The following TMEM120B variants were observed in gnomAD, a reference collection of about 807,000 sequenced individuals.
TMEM120B encodes the protein transmembrane protein 120B.
In TMEM120B, 31 loss-of-function variants were observed where a neutral mutation model predicts 55.5. The ratio of observed to expected loss-of-function variants is 0.56; its 90% CI spans 0.42 to 0.75. The LOEUF (loss-of-function observed/expected upper bound fraction) is 0.75, where lower values mean the gene tolerates loss of function less well. TMEM120B is among the 30% of genes least tolerant of loss of function. The pLI, the probability that TMEM120B is intolerant of heterozygous loss-of-function variation, is 0.00. For missense variants in TMEM120B, 399 were observed against 425.5 expected, an observed-to-expected ratio of 0.94 and a Z score of 0.55; for synonymous variants, 203 against 176.3, an observed-to-expected ratio of 1.15 and a Z score of -1.20.
chr12:121,740,462 G>A lies in TMEM120B; in HGVS notation c.70-3167G>A, dbSNP rs139708699. 1.3e-3 allele frequency among the ~76,000 whole-genome samples: 196 copies of A among 151,980 alleles called. 1 individual carries two copies. The highest frequency in any genetic ancestry group is 4.5e-3 in the African/African-American group (186 of 41,482). ...ATCATGCCACTGCACTCCAGCCTGGGCAACAAGAGTGAGACTCTGTCTTAA... is the reference window on the plus strand; with the variant it reads ...ATCATGCCACTGCACTCCAGCCTGGACAACAAGAGTGAGACTCTGTCTTAA... On this transcript the variant is annotated intron_variant, in intron 1 of 11. Coordinates refer to ENST00000449592, the MANE Select transcript of TMEM120B (RefSeq NM_001080825.2).
intron 8 of TMEM120B, among the ~76,000 whole-genome samples, chr12:121,772,324 T>G (rs182209440): frequency 6.6e-6 from 1 of 152,150 alleles, no homozygotes; most frequent in Admixed American, 6.6e-5. Context: ...AAGATGAGAT[T>G]TCACCATGTT....
rs1233602042 is a variant in TMEM120B, at chr12:121,712,780, G to C, written c.-116G>C. ...TGCGCGCGTGGCTCTGGCTGCGCAG[G>C]AACAGCTGGTGCCTCCGAGGGCGGT... On this transcript the variant is annotated 5_prime_UTR_variant, in exon 1 of 12. Transcript: ENST00000449592. 2.6e-5 allele frequency: 17 copies of C among 655,940 alleles called. No homozygotes were observed. Among genetic ancestry groups the C allele is most frequent in the Non-Finnish European group, 3.7e-5 (17 of 464,192 alleles). 40.6% of individuals were successfully genotyped at this position (655,940 alleles called of 1,614,324 possible).
intron 1 of TMEM120B, among the ~76,000 whole-genome samples, chr12:121,716,306 T>C (rs1038057430): frequency 7.3e-6 from 1 of 136,944 alleles, no homozygotes; most frequent in Admixed American, 7.2e-5. Context: ...AGACCCTCTC[T>C]CTCAAAAAAA....
At chr12:121,714,624 C>T (rs1397167693) in intron 1 of TMEM120B, among the ~76,000 whole-genome samples, 1 of 137,352 alleles carries the variant, frequency 7.3e-6, no homozygotes, top group Non-Finnish European at 1.5e-5. Flanking sequence ...TGCAGTGGCA[C>T]GATCGTGGCT....
chr12:121,748,867 CG>C (rs1415938091), intron 3 of TMEM120B, among the ~76,000 whole-genome samples: 12 of 152,272 alleles, frequency 7.9e-5, no homozygotes, highest in Admixed American at 7.8e-4. Context: ...GAGACATCAG[CG>C]AATGTTTGGC....
intron 1 of TMEM120B, among the ~76,000 whole-genome samples, chr12:121,722,958 C>T (rs995857007): frequency 4.6e-5 from 7 of 150,676 alleles, no homozygotes; most frequent in Admixed American, 6.7e-5. Flanking sequence ...AAGCAATTCT[C>T]TTGCCTCAGC....
At chr12:121,740,688 CTG>C (rs1459906539) in intron 1 of TMEM120B, among the ~76,000 whole-genome samples, 1 of 151,980 alleles carries the variant, frequency 6.6e-6, no homozygotes, top group African/African-American at 2.4e-5. Context: ...GGAAGAAAAT[CTG>C]TGTATAAGTG....
At position 121,736,533 on chromosome 12, in the gene TMEM120B, T is replaced by C. The variant is rs148617385; in HGVS notation, c.70-7096T>C. ...CCTCCCAAAGTGCTGGGATTACAGGTGTGAGCCACCATGCCCGGCCTTCTT... is the reference window on the plus strand; with the variant it reads ...CCTCCCAAAGTGCTGGGATTACAGGCGTGAGCCACCATGCCCGGCCTTCTT... On this transcript the variant is annotated intron_variant, in intron 1 of 11. Transcript: ENST00000449592. Among the ~76,000 whole-genome samples the C allele has an allele frequency of 5.6e-3, 840 of 150,586 alleles. 4 individuals are homozygous for C. Among genetic ancestry groups the C allele is most frequent in the African/African-American group, 0.019 (778 of 40,702 alleles).
intron 5 of TMEM120B, among the ~76,000 whole-genome samples, chr12:121,755,503 TAGTC>T (rs1333004537): frequency 2.6e-5 from 4 of 152,042 alleles, no homozygotes; most frequent in East Asian, 1.9e-4. Context: ...AGGAAAGAGG[TAGTC>T]AGAGTTAATT....
chr12:121,775,825 C>T lies in TMEM120B; in HGVS notation c.*103C>T. On this transcript the variant is annotated 3_prime_UTR_variant, in exon 12 of 12. Coordinates refer to ENST00000449592, the MANE Select transcript of TMEM120B (RefSeq NM_001080825.2). The surrounding 1 kb of genome is among the most constrained non-coding windows in gnomAD (Gnocchi z 4.3). ...GCCCGTGGCATCGCTGGGAGAGGGC[C>T]CAGGCCCTGGTCCCCCAGTGGACCC... 1 of 1,286,358 alleles carries T rather than the reference C, an allele frequency of 7.8e-7. No homozygotes were observed. Among genetic ancestry groups the T allele is most frequent in the East Asian group, 2.4e-5 (1 of 41,856 alleles). The allele number at this position is 1,286,358 out of a possible 1,614,324, so 79.7% of individuals were successfully genotyped here.
At chr12:121,720,976 T>C (rs1894780213) in intron 1 of TMEM120B, among the ~76,000 whole-genome samples, 1 of 152,168 alleles carries the variant, frequency 6.6e-6, no homozygotes, top group Admixed American at 6.6e-5. Context: ...TTCACATCTG[T>C]ACTGGGAACA....
At chr12:121,771,346 A>G (rs1874046207) in intron 7 of TMEM120B, 142 bp from the exon 8 acceptor site, 1 of 745,422 alleles carries the variant, frequency 1.3e-6, no homozygotes, top group Admixed American at 2.3e-5. Flanking sequence ...GCCCAGCCCC[A>G]GGGATAGAAG....
In TMEM120B at chr12:121,750,375, T is replaced by TCC; in HGVS notation, c.306-4_306-3dup. ...ATCATGCCCCTCACAGGTGTTTCCT[T>TCC]CCAGGCTCTACTTGAACCTGGTCCT... On this transcript the variant is annotated splice_polypyrimidine_tract_variant and splice_region_variant and intron_variant, in intron 3 of 11. Transcript: ENST00000449592. The TCC allele has an allele frequency of 6.2e-7, 1 of 1,612,344 alleles. No individual in the cohort carries two copies. The highest frequency in any genetic ancestry group is 2.2e-5 in the East Asian group (1 of 44,876).
At chr12:121,719,687 G>A (rs150082425) in intron 1 of TMEM120B, among the ~76,000 whole-genome samples, 1 of 152,202 alleles carries the variant, frequency 6.6e-6, no homozygotes, top group Non-Finnish European at 1.5e-5. Flanking sequence ...TTGCATGTTA[G>A]GCCACACTGC....
intron 1 of TMEM120B, among the ~76,000 whole-genome samples, chr12:121,737,341 C>G (rs2137088000): frequency 6.6e-6 from 1 of 152,142 alleles, no homozygotes; most frequent in South Asian, 2.1e-4. Context: ...CCTGTTTCTA[C>G]TAAAAATACA....
intron 1 of TMEM120B, among the ~76,000 whole-genome samples, chr12:121,735,403 A>ATT (rs201578509): frequency 6.9e-6 from 1 of 145,854 alleles, no homozygotes; most frequent in African/African-American, 2.5e-5. Context: ...ATATTACCAG[A>ATT]TTTTTTTTTT....
rs746948499 is a variant in TMEM120B, at chr12:121,771,459, AC to A, written c.618-27del. On this transcript the variant is annotated intron_variant, in intron 7 of 11. Coordinates refer to ENST00000449592, the MANE Select transcript of TMEM120B (RefSeq NM_001080825.2). ...AATGTCTCATTTCATAGTGGGCCCC[AC>A]CTTTGTTTTTTCCTACCTTCTCTCC... The A allele has an allele frequency of 7.5e-6, 12 of 1,599,862 alleles. No individual in the cohort carries two copies. The African/African-American group carries it at 1.5e-4, about 20-fold the overall frequency.
At chr12:121,772,085 T>TTC (rs138202551) in intron 8 of TMEM120B, among the ~76,000 whole-genome samples, 4 of 141,680 alleles carry the variant, frequency 2.8e-5, no homozygotes, top group Non-Finnish European at 4.5e-5. Context: ...TTCTTTCTCT[T>TTC]TCTCTCTCTC....
At chr12:121,732,079 G>A (rs543782933) in intron 1 of TMEM120B, among the ~76,000 whole-genome samples, 8 of 152,356 alleles carry the variant, frequency 5.3e-5, no homozygotes, top group African/African-American at 1.9e-4. Context: ...AGAGGTTGCA[G>A]TGAGCAGAGA....
Sources: allele counts gnomAD v4.1 joint callset (sites outside exome capture counted in the v4.1 genomes callset), GRCh38; gene constraint gnomAD v4.1.1; non-coding constraint Gnocchi (gnomAD v3.1); transcripts MANE v1.5; gene names NCBI Gene and HGNC (gene_info 2026-07-23, HGNC 2026-07-21).